NRG1: variants seen among roughly 807,000 people sequenced by gnomAD.
The protein encoded by NRG1 is pro-neuregulin-1, membrane-bound isoform.
A neutral mutation model predicts 63.8 loss-of-function variants in NRG1; 18 were observed. That is an observed-to-expected ratio of 0.28 (90% confidence interval 0.19 to 0.42). The LOEUF (loss-of-function observed/expected upper bound fraction) is 0.42. Among genes scored for constraint, NRG1 ranks in the 10% least tolerant of loss-of-function variants. The pLI, the probability that NRG1 is intolerant of heterozygous loss-of-function variation, is 1.00. For synonymous variants in NRG1, 302 were observed against 301.3 expected (o/e 1.00, Z -0.02); for missense variants, 762 against 814.7 (o/e 0.94, Z 0.79).
intron 1 of NRG1, among the ~76,000 whole-genome samples, chr8:31,959,495 C>T (rs562356646): frequency 6.6e-6 from 1 of 152,084 alleles, no homozygotes. Flanking sequence ...CATCATCATG[C>T]TGAATGGGGA....
intron 1 of NRG1, among the ~76,000 whole-genome samples, chr8:31,716,552 A>G (rs963134814): frequency 2.0e-5 from 3 of 152,242 alleles, no homozygotes; most frequent in African/African-American, 7.2e-5. Context: ...AACATAAACA[A>G]TAAGATTTAC....
At chr8:32,138,877 A>G (rs1376952010) in intron 1 of NRG1, among the ~76,000 whole-genome samples, 1 of 152,100 alleles carries the variant, frequency 6.6e-6, no homozygotes, top group Non-Finnish European at 1.5e-5. Context: ...GCAAGCTCAC[A>G]GCAATTTTTA....
At chr8:32,632,986 A>G (rs1477638428) in intron 5 of NRG1, among the ~76,000 whole-genome samples, 5 of 152,202 alleles carry the variant, frequency 3.3e-5, no homozygotes, top group Non-Finnish European at 7.3e-5. Context: ...GTCTATAAGC[A>G]ACAAATTTTT....
intron 1 of NRG1, among the ~76,000 whole-genome samples, chr8:31,709,234 A>G (rs139288153): frequency 1.2e-3 from 177 of 147,606 alleles, no homozygotes; most frequent in African/African-American, 4.0e-3. Flanking sequence ...AACCTTTTTC[A>G]TCTATGGAAA....
intron 1 of NRG1, among the ~76,000 whole-genome samples, chr8:32,155,856 C>G (rs560991043): frequency 2.1e-4 from 32 of 152,284 alleles, no homozygotes; most frequent in African/African-American, 7.5e-4. Context: ...GAATAATTCA[C>G]CAAGTTATTA....
At chr8:32,451,857 G>T (rs940706036) in intron 1 of NRG1, among the ~76,000 whole-genome samples, 1 of 152,084 alleles carries the variant, frequency 6.6e-6, no homozygotes, top group Admixed American at 6.6e-5. Flanking sequence ...ACAAGGTCTT[G>T]CTCTGTCGCC....
intron 1 of NRG1, among the ~76,000 whole-genome samples, chr8:32,491,558 C>A (rs1266330434): frequency 3.3e-5 from 5 of 152,102 alleles, no homozygotes. Flanking sequence ...TTCAGTTAAC[C>A]CTATGTTATT....
chr8:32,229,681 A>C (rs1250320023), intron 1 of NRG1, among the ~76,000 whole-genome samples: 1 of 152,122 alleles, frequency 6.6e-6, no homozygotes, highest in African/African-American at 2.4e-5. Flanking sequence ...CTGCCAAGAC[A>C]ACATTTTCTT....
intron 1 of NRG1, among the ~76,000 whole-genome samples, chr8:31,879,571 A>G (rs1830188798): frequency 6.6e-6 from 1 of 152,158 alleles, no homozygotes; most frequent in South Asian, 2.1e-4. Context: ...TATTTAAAAA[A>G]TGTGATTTTT....
chr8:32,511,769 C>T (rs1431400909), intron 1 of NRG1, among the ~76,000 whole-genome samples: 1 of 151,986 alleles, frequency 6.6e-6, no homozygotes, highest in Non-Finnish European at 1.5e-5. Context: ...TCTGTGAAGG[C>T]AAAGATGTGC....
At chr8:32,003,181 G>A (rs1315166727) in intron 1 of NRG1, among the ~76,000 whole-genome samples, 1 of 152,014 alleles carries the variant, frequency 6.6e-6, no homozygotes, top group African/African-American at 2.4e-5. Flanking sequence ...TTTTGGAACA[G>A]CCTGCATTCC....
chr8:32,348,825 G>T (rs530746127), intron 1 of NRG1, among the ~76,000 whole-genome samples: 4 of 152,256 alleles, frequency 2.6e-5, no homozygotes, highest in African/African-American at 4.8e-5. Context: ...AACAAATCCA[G>T]TTCATATGGT....
At chr8:32,188,731 T>C (rs1842198931) in intron 1 of NRG1, among the ~76,000 whole-genome samples, 1 of 151,934 alleles carries the variant, frequency 6.6e-6, no homozygotes, top group Admixed American at 6.6e-5. Context: ...GGGCTATGCA[T>C]ATTCTCACTC....
chr8:32,708,297 T>G (rs1816960409), intron 5 of NRG1, among the ~76,000 whole-genome samples: 1 of 152,190 alleles, frequency 6.6e-6, no homozygotes, highest in African/African-American at 2.4e-5. Context: ...ATCATGTTAT[T>G]GAGTTTTCTA....
At chr8:31,875,586 G>A (rs904698192) in intron 1 of NRG1, among the ~76,000 whole-genome samples, 10 of 152,082 alleles carry the variant, frequency 6.6e-5, no homozygotes, top group Admixed American at 2.6e-4. Flanking sequence ...TGCCTTCAGT[G>A]GGTTCTCTTT....
At chr8:32,596,249 G>T (rs552952052) in intron 2 of NRG1, among the ~76,000 whole-genome samples, 1 of 152,158 alleles carries the variant, frequency 6.6e-6, no homozygotes, top group East Asian at 1.9e-4. Flanking sequence ...AGTAAGAAGA[G>T]ATGGAAGGGA....
At chr8:31,976,070 A>G (rs1427179249) in intron 1 of NRG1, among the ~76,000 whole-genome samples, 1 of 152,178 alleles carries the variant, frequency 6.6e-6, no homozygotes, top group African/African-American at 2.4e-5. Flanking sequence ...TAGGAATTAA[A>G]TGGCTGTAAA....
At chr8:32,641,782 A>G (rs909518340) in intron 5 of NRG1, among the ~76,000 whole-genome samples, 7 of 152,200 alleles carry the variant, frequency 4.6e-5, no homozygotes, top group Non-Finnish European at 7.3e-5. Flanking sequence ...GAACATTTTC[A>G]CTGGGTAAGA....
intron 1 of NRG1, among the ~76,000 whole-genome samples, chr8:31,966,297 A>G (rs1250942315): frequency 3.3e-5 from 5 of 152,226 alleles, no homozygotes; most frequent in Non-Finnish European, 7.3e-5. Context: ...AAAGATTCTG[A>G]GGGCCTAATC....
Sources: gnomAD v4.1 joint callset for allele counts (sites outside exome capture counted in the v4.1 genomes callset) on GRCh38, gnomAD v4.1.1 for gene constraint, MANE v1.5 for transcripts, NCBI Gene and HGNC (gene_info 2026-07-23, HGNC 2026-07-21) for gene names.